SBF1: variants seen among roughly 807,000 people sequenced by gnomAD.
The protein encoded by SBF1 is myotubularin-related protein 5.
SBF1 carries 65 observed loss-of-function variants against 215.8 expected under a neutral mutation model. That is an observed-to-expected ratio of 0.30 (90% CI 0.25 to 0.37). The LOEUF (loss-of-function observed/expected upper bound fraction) is 0.37, where lower values mean the gene tolerates loss of function less well. SBF1 is among the 10% of genes least tolerant of loss of function. The pLI is 1.00. For missense variants in SBF1, 2,634 were observed against 2,667.8 expected (o/e 0.99, Z 0.28); for synonymous variants, 1,410 against 1,122.8 (o/e 1.26, Z -5.11).
rs1391960941 is a variant in SBF1, at chr22:50,454,601, C to CTCCATCAGA, written c.4945_4953dup (p.Ser1649_Gly1651dup). On this transcript the variant is annotated inframe_insertion, in exon 36 of 41. Transcript: ENST00000380817. ...ACGCGGCGCCTGCTCTGGGGAGCGCCTCCATCAGACCGTTCTTCCTCTGGG... is the reference window on the plus strand; with the variant it reads ...ACGCGGCGCCTGCTCTGGGGAGCGCCTCCATCAGATCCATCAGACCGTTCTTCCTCTGGG... The CTCCATCAGA allele has an allele frequency of 6.2e-7, 1 of 1,609,588 alleles. No homozygotes were observed. Among genetic ancestry groups the CTCCATCAGA allele is most frequent in the Admixed American group, 1.7e-5 (1 of 59,506 alleles).
In SBF1 at chr22:50,459,946, C is replaced by G; in HGVS notation, c.3491+6G>C. On this transcript the variant is annotated splice_donor_region_variant and intron_variant, in intron 26 of 40. Coordinates refer to ENST00000380817, the MANE Select transcript of SBF1 (RefSeq NM_002972.4). ...ACCACCCGGGCCAGCCCTGGCCGGC[C>G]CTCACCTGCGGCAGATGGCATACAT... is the stretch of plus-strand genomic sequence containing the variant. The G allele has an allele frequency of 1.2e-6, 2 of 1,613,530 alleles. No individual in the cohort carries two copies. Among genetic ancestry groups the G allele is most frequent in the South Asian group, 2.2e-5 (2 of 91,074 alleles).
intron 31 of SBF1, chr22:50,455,837 G>A: frequency 4.1e-6 from 2 of 492,312 alleles, no homozygotes; most frequent in South Asian, 2.1e-5. Flanking sequence ...TGTCCCTCAA[G>A]ATGCCGGTGG....
Position 50,462,445 on chromosome 22 carries a change from T to C in SBF1, c.2156A>G (p.Asp719Gly), listed in dbSNP as rs771280609. The C allele has an allele frequency of 1.2e-6, 2 of 1,613,736 alleles. No individual in the cohort carries two copies. The highest frequency in any genetic ancestry group is 2.2e-5 in the South Asian group (2 of 91,072). ...AGCCACGTCTAGGGCAGAGCGCTCG[T>C]CCTCCTGGGAAGGTGCCTCCCCAAC... Reference protein sequence around the residue: ...QEVGEAPSQEDERSALDVASE... With the variant: ...QEVGEAPSQEGERSALDVASE... Residue 719 changes from aspartate to glycine, a missense_variant, in exon 19 of 41, where the codon GAC (aspartate) becomes GGC (glycine). Transcript: ENST00000380817.
At chr22:50,471,139 G>A (rs1023351221) in intron 1 of SBF1, among the ~76,000 whole-genome samples, 10 of 152,188 alleles carry the variant, frequency 6.6e-5, no homozygotes, top group African/African-American at 2.2e-4. Context: ...CTTGGCAACA[G>A]GACGAATCCA....
Position 50,469,079 on chromosome 22 carries a change from C to T in SBF1, c.56-618G>A, listed in dbSNP as rs12484842. ...CAGCTCCCTGTTAGAACACCAGCCC[C>T]ACAGCCAGCAGGACCTAGAGGGGCA... On this transcript the variant is annotated intron_variant, in intron 1 of 40. Transcript: ENST00000380817. Among the ~76,000 whole-genome samples, 734 of 152,356 alleles carry T rather than the reference C, an allele frequency of 4.8e-3. 3 individuals are homozygous for T. Among genetic ancestry groups the T allele is most frequent in the South Asian group, 0.022 (107 of 4,830 alleles).
chr22:50,447,560 T>C lies in SBF1; in HGVS notation c.5413A>G (p.Lys1805Glu). ...YKKGAFMKPW[K>E]ARWFVLDKTK... ...TTGTCCAGCACGAACCAGCGGGCCT[T>C]CCAAGGCTTCATGAAGGCCCCCTTC... The change falls in exon 39 of 41, where the codon AAG becomes GAG. Residue 1805 changes from lysine (K) to glutamate (E), a missense_variant. Coordinates refer to ENST00000380817, the MANE Select transcript of SBF1 (RefSeq NM_002972.4). 1.9e-6 allele frequency: 3 copies of C among 1,612,368 alleles called. No individual in the cohort carries two copies. The highest frequency in any genetic ancestry group is 2.5e-6 in the Non-Finnish European group (3 of 1,179,512).
intron 2 of SBF1, 121 bp from the exon 3 acceptor site, chr22:50,468,044 T>G: frequency 7.7e-7 from 1 of 1,297,986 alleles, no homozygotes; most frequent in Non-Finnish European, 1.1e-6. Context: ...AGCTCCTTGC[T>G]TGGAGACCCT....
rs1299584418 is a variant in SBF1 at position 50,455,391 on chromosome 22, G to C, written c.4387C>G (p.Leu1463Val). The change falls in exon 33 of 41, where the codon CTG becomes GTG. Residue 1463 changes from leucine to valine, a missense_variant. Leu to Val is a conservative substitution (Grantham distance 32). Coordinates refer to ENST00000380817, the MANE Select transcript of SBF1 (RefSeq NM_002972.4). ...ITTQVVSLVQLLSDPFYRTLE... is the reference protein window; with the variant it reads ...ITTQVVSLVQVLSDPFYRTLE... ...GTGCGGTAGAAGGGGTCTGAGAGCA[G>C]CTGCACCAAGGATACCACCTGCCAG... The C allele has an allele frequency of 2.5e-6, 4 of 1,612,632 alleles. No homozygotes were observed. Among genetic ancestry groups the C allele is most frequent in the Non-Finnish European group, 3.4e-6 (4 of 1,179,428 alleles).
chr22:50,455,198 G>C (rs1569510225), intron 33 of SBF1, 26 bp downstream of exon 33: 2 of 1,612,496 alleles, frequency 1.2e-6, no homozygotes, highest in Admixed American at 1.7e-5. Context: ...CACAGTCCCG[G>C]CCCACCCACA....
chr22:50,468,566 G>T, intron 1 of SBF1, 105 bp from the exon 2 acceptor site: 1 of 743,424 alleles, frequency 1.3e-6, no homozygotes, highest in Non-Finnish European at 2.1e-6. Context: ...GCCCTCATCT[G>T]GCACCAGATC....
rs1362354655 is a variant in SBF1 at position 50,464,348 on chromosome 22, T to C, written c.1730A>G (p.Lys577Arg). 6.2e-7 allele frequency: 1 copy of C among 1,613,862 alleles called. No homozygotes were observed. Among genetic ancestry groups the C allele is most frequent in the African/African-American group, 1.3e-5 (1 of 74,942 alleles). The change falls in exon 15 of 41, where the codon AAA becomes AGA. Residue 577 changes from lysine (K) to arginine (R), a missense_variant. Physicochemically the swap from Lys to Arg is conservative, Grantham distance 26 (BLOSUM62 2). Transcript: ENST00000380817. Reference protein sequence around the residue: ...RNCISYVFEGKMLEAKKLLPA... With the variant: ...RNCISYVFEGRMLEAKKLLPA... ...CCTCACCTTCTTGGCCTCAAGCATTTTCCCCTCAAACACGTAGGAGATGCA... is the reference window on the plus strand; with the variant it reads ...CCTCACCTTCTTGGCCTCAAGCATTCTCCCCTCAAACACGTAGGAGATGCA...
intron 31 of SBF1, 123 bp from the exon 32 acceptor site, chr22:50,455,705 A>C: frequency 1.3e-6 from 1 of 771,948 alleles, no homozygotes; most frequent in Non-Finnish European, 2.2e-6. Flanking sequence ...CAGCCCCCCA[A>C]GCCCTGTATG....
rs1280011875 is a variant in SBF1 at position 50,447,335 on chromosome 22, T to C, written c.5570A>G (p.Lys1857Arg). ...GCCAAGGCTCACGTCAAAGAAGGCC[T>C]TCTCGTCCACAGTCTTAGGGGCACC... is the stretch of plus-strand genomic sequence containing the variant. The part of the protein sequence containing the change: ...TMGAPKTVDE[K>R]AFFDVKTTRR... Residue 1857 changes from lysine to arginine, a missense_variant, in exon 40 of 41, where the codon AAG becomes AGG. Transcript: ENST00000380817. 1 of 1,613,998 alleles carries C rather than the reference T, an allele frequency of 6.2e-7. No individual in the cohort carries two copies. Among genetic ancestry groups the C allele is most frequent in the Admixed American group, 1.7e-5 (1 of 60,012 alleles).
At chr22:50,451,076 T>C (rs1367831716) in intron 36 of SBF1, among the ~76,000 whole-genome samples, 6 of 144,164 alleles carry the variant, frequency 4.2e-5, no homozygotes, top group African/African-American at 7.9e-5. Flanking sequence ...ATGCCTGTAA[T>C]CCCAGCACTT....
chr22:50,447,762 G>A (rs151229254), intron 38 of SBF1, among the ~76,000 whole-genome samples, 153 bp from the exon 39 acceptor site: 118 of 152,320 alleles, frequency 7.7e-4, no homozygotes, highest in Non-Finnish European at 1.4e-3. Context: ...ACTGGCCAGG[G>A]GGCCACAAAG....
rs1335962200 is a variant in SBF1 at position 50,466,488 on chromosome 22, G to C, written c.656-6C>G. The C allele has an allele frequency of 1.9e-6, 3 of 1,541,532 alleles. No individual in the cohort carries two copies. The highest frequency in any genetic ancestry group is 1.2e-5 in the South Asian group (1 of 83,574). On this transcript the variant is annotated splice_polypyrimidine_tract_variant and splice_region_variant and intron_variant, in intron 6 of 40. Coordinates refer to ENST00000380817, the MANE Select transcript of SBF1 (RefSeq NM_002972.4). ...AGACAGCACGTTGGTGATGCCTAAAGGAAGAAGAGAAGCTTGGAGAGGACC... is the reference window on the plus strand; with the variant it reads ...AGACAGCACGTTGGTGATGCCTAAACGAAGAAGAGAAGCTTGGAGAGGACC...
intron 31 of SBF1, chr22:50,455,987 C>T (rs952463585): frequency 5.0e-5 from 29 of 576,006 alleles, no homozygotes; most frequent in African/African-American, 2.6e-4. Context: ...CAGGCTGCTC[C>T]GACATACCCA....
chr22:50,458,907 G>A (rs900478207), intron 28 of SBF1, among the ~76,000 whole-genome samples: 5 of 152,350 alleles, frequency 3.3e-5, no homozygotes, highest in Admixed American at 2.0e-4. Context: ...CAGGACAGAG[G>A]AGCATCTGGG....
chr22:50,465,658 CG>C (rs2067717487), intron 10 of SBF1, 104 bp downstream of exon 10: 2 of 1,084,854 alleles, frequency 1.8e-6, no homozygotes, highest in Non-Finnish European at 2.6e-6. Context: ...CTACTGGAGC[CG>C]GGGCCAGCCT....
Sources: allele counts gnomAD v4.1 joint callset (sites outside exome capture counted in the v4.1 genomes callset), GRCh38; gene constraint gnomAD v4.1.1; transcripts MANE v1.5; gene names NCBI Gene and HGNC (gene_info 2026-07-23, HGNC 2026-07-21).